TBCK: variants seen among roughly 807,000 people sequenced by gnomAD.
TBCK encodes the protein TBC1 domain containing kinase, also known as TBC domain-containing protein kinase-like protein.
In TBCK, 99 loss-of-function variants were observed where a neutral mutation model predicts 113.4. The observed-to-expected ratio is 0.87, with a 90% CI of 0.74 to 1.03. The LOEUF (loss-of-function observed/expected upper bound fraction) is 1.03, where lower values mean the gene tolerates loss of function less well. Among genes scored for constraint, TBCK ranks in the 50% least tolerant of loss-of-function variants. The pLI, the probability that TBCK is intolerant of heterozygous loss-of-function variation, is 0.00. For missense variants in TBCK, 1,045 were observed against 1,061.3 expected, an observed-to-expected ratio of 0.98 and a Z score of 0.21; for synonymous variants, 369 against 370.8, an observed-to-expected ratio of 1.00 and a Z score of 0.05.
chr4:106,216,171 G>C (rs1361799607), intron 19 of TBCK, among the ~76,000 whole-genome samples: 1 of 151,538 alleles, frequency 6.6e-6, no homozygotes, highest in African/African-American at 2.4e-5. Context: ...AAACCAACGA[G>C]AACAAAGACA....
chr4:106,292,518 C>T (rs2125835199), intron 3 of TBCK, among the ~76,000 whole-genome samples: 1 of 148,592 alleles, frequency 6.7e-6, no homozygotes, highest in East Asian at 2.0e-4. Flanking sequence ...TGCAGTGAGC[C>T]AAGATCACGC....
At chr4:106,202,263 T>A (rs919315647) in intron 20 of TBCK, among the ~76,000 whole-genome samples, 2 of 151,946 alleles carry the variant, frequency 1.3e-5, no homozygotes, top group African/African-American at 4.8e-5. Context: ...ATTTTATTTA[T>A]CAGTAACAAT....
At chr4:106,282,192 T>C (rs1182587274) in intron 3 of TBCK, among the ~76,000 whole-genome samples, 1 of 152,136 alleles carries the variant, frequency 6.6e-6, no homozygotes, top group Non-Finnish European at 1.5e-5. Context: ...TTTATTGGCA[T>C]AGAGTTGTTC....
chr4:106,212,962 A>G lies in TBCK; in HGVS notation c.1775-127T>C, dbSNP rs1452871813. On this transcript the variant is annotated intron_variant, in intron 19 of 25. Transcript: ENST00000394708. ...CTCCATGAGAATACTTTACGTGATA[A>G]TTTTGTTTTGTTACTATTTTAATTA... 8 of 631,206 alleles carry G rather than the reference A, an allele frequency of 1.3e-5. No individual in the cohort carries two copies. In the Admixed American group the frequency reaches 2.5e-4, roughly 20 times the overall value. 39.1% of individuals were successfully genotyped at this position (631,206 alleles called of 1,614,324 possible).
chr4:106,102,382 T>C (rs1657054155), intron 24 of TBCK, among the ~76,000 whole-genome samples: 1 of 152,202 alleles, frequency 6.6e-6, no homozygotes, highest in African/African-American at 2.4e-5. Flanking sequence ...GCTTTTTGTA[T>C]TTTAACTGAG....
chr4:106,140,455 T>G (rs942229532), intron 23 of TBCK, among the ~76,000 whole-genome samples: 5 of 140,184 alleles, frequency 3.6e-5, no homozygotes, highest in Admixed American at 3.5e-4. Flanking sequence ...ATGGTAATAA[T>G]GCTACAAATA....
At chr4:106,163,777 C>T (rs1361365266) in intron 23 of TBCK, among the ~76,000 whole-genome samples, 1 of 152,076 alleles carries the variant, frequency 6.6e-6, no homozygotes, top group Non-Finnish European at 1.5e-5. Flanking sequence ...CTGTCCTTGA[C>T]ACATGGGAAT....
At chr4:106,304,967 C>T (rs1767351779) in intron 2 of TBCK, among the ~76,000 whole-genome samples, 1 of 152,130 alleles carries the variant, frequency 6.6e-6, no homozygotes, top group Admixed American at 6.5e-5. Context: ...CTTTATTTCC[C>T]TTTGTGAAGA....
chr4:106,233,522 C>T, intron 16 of TBCK, 66 bp downstream of exon 16: 1 of 1,296,532 alleles, frequency 7.7e-7, no homozygotes. Context: ...TTTCTTCATG[C>T]TCCTTCCTAA....
chr4:106,211,482 T>C (rs1347261628), intron 20 of TBCK, among the ~76,000 whole-genome samples: 3 of 152,266 alleles, frequency 2.0e-5, no homozygotes, highest in Non-Finnish European at 4.4e-5. Context: ...GCATCACATG[T>C]AGGAGGCAGA....
At chr4:106,208,232 A>G (rs921328137) in intron 20 of TBCK, among the ~76,000 whole-genome samples, 81 of 152,150 alleles carry the variant, frequency 5.3e-4, no homozygotes, top group Non-Finnish European at 8.5e-4. Context: ...TAAACCAAAG[A>G]CAGTTTAAGG....
At chr4:106,185,235 C>T (rs1752878778) in intron 22 of TBCK, among the ~76,000 whole-genome samples, 1 of 152,004 alleles carries the variant, frequency 6.6e-6, no homozygotes, top group African/African-American at 2.4e-5. Context: ...ATGCTATAAA[C>T]ACTCTGGTAT....
At chr4:106,131,509 A>G (rs1340382634) in intron 23 of TBCK, among the ~76,000 whole-genome samples, 1 of 152,200 alleles carries the variant, frequency 6.6e-6, no homozygotes, top group East Asian at 1.9e-4. Flanking sequence ...GCTACTTGGG[A>G]GGCTGAGGCA....
At chr4:106,225,429 T>C (rs371438533) in intron 19 of TBCK, among the ~76,000 whole-genome samples, 7 of 152,292 alleles carry the variant, frequency 4.6e-5, no homozygotes, top group African/African-American at 1.7e-4. Context: ...ACTGATAAAA[T>C]TGATCAAACT....
intron 5 of TBCK, among the ~76,000 whole-genome samples, chr4:106,254,741 C>T (rs1006057766): frequency 6.6e-6 from 1 of 152,144 alleles, no homozygotes; most frequent in East Asian, 1.9e-4. Context: ...TTTATTGAAA[C>T]CTCTTTCTCC....
chr4:106,225,354 A>G (rs1334649402), intron 19 of TBCK, among the ~76,000 whole-genome samples: 1 of 152,236 alleles, frequency 6.6e-6, no homozygotes, highest in Admixed American at 6.5e-5. Context: ...TAATACTTAG[A>G]GAAACAAGCA....
At chr4:106,079,993 T>A (rs1165071375) in intron 25 of TBCK, among the ~76,000 whole-genome samples, 1 of 152,072 alleles carries the variant, frequency 6.6e-6, no homozygotes. Flanking sequence ...ACCTCCATGA[T>A]CAAATCACCT....
chr4:106,205,873 ATAGT>A (rs1469414967), intron 20 of TBCK, among the ~76,000 whole-genome samples: 1 of 151,996 alleles, frequency 6.6e-6, no homozygotes, highest in Non-Finnish European at 1.5e-5. Context: ...TTTTCTTCAT[ATAGT>A]TAAACAAGTA....
rs60417567 is a variant in TBCK at position 106,306,236 on chromosome 4, ATTTTTTTTTTTT to A, written c.193+2520_193+2531del. ...AGGAACAAGACACCATGCCTGGCTA[ATTTTTTTTTTTT>A]TTTTTTTTTTTTTTTTGGTAGAGAC... On this transcript the variant is annotated intron_variant, in intron 2 of 25. Transcript: ENST00000394708. Among the ~76,000 whole-genome samples, 102 of 97,358 alleles carry A rather than the reference ATTTTTTTTTTTT, an allele frequency of 1.0e-3. No homozygotes were observed. The South Asian group carries it at 0.02, about 19-fold the overall frequency. The allele number at this position is 97,358 out of a possible 152,430, so 63.9% of individuals were successfully genotyped here. A position where few individuals can be genotyped will look rare whatever the true frequency, so the allele number is the denominator to read the frequency against.
Sources: gnomAD v4.1 joint callset for allele counts (sites outside exome capture counted in the v4.1 genomes callset) on GRCh38, gnomAD v4.1.1 for gene constraint, MANE v1.5 for transcripts, NCBI Gene and HGNC (gene_info 2026-07-23, HGNC 2026-07-21) for gene names.